Variants in PIKFYVE observed in about 807,000 individuals in gnomAD.
PIKFYVE encodes 1-phosphatidylinositol 3-phosphate 5-kinase.
A neutral mutation model predicts 257.9 loss-of-function variants in PIKFYVE; 122 were observed. The ratio of observed to expected loss-of-function variants is 0.47; its 90% CI spans 0.41 to 0.55. The LOEUF is 0.55. PIKFYVE is among the 20% of genes least tolerant of loss of function. The probability of loss-of-function intolerance (pLI) is 0.00; values close to 1 mark genes in which losing one functional copy is unlikely to be tolerated. For synonymous variants in PIKFYVE, 892 were observed against 868.9 expected (o/e 1.03, Z -0.47); for missense variants, 2,160 against 2,536.6 (o/e 0.85, Z 3.19).
In PIKFYVE at chr2:208,268,048, A is replaced by G. The variant is rs954426219; in HGVS notation, c.-10+1633A>G. On this transcript the variant is annotated intron_variant, in intron 1 of 41. Coordinates refer to ENST00000264380, the MANE Select transcript of PIKFYVE (RefSeq NM_015040.4). ...ATATATCAGAAGGCTTTGGGTAGGT[A>G]GGTTAATAGGACTGATTACCACTCA... Among the ~76,000 whole-genome samples, 5 of 152,218 alleles carry G rather than the reference A, an allele frequency of 3.3e-5. No homozygotes were observed. In the East Asian group the frequency reaches 9.6e-4, roughly 29 times the overall value.
rs148828255 is a variant in PIKFYVE at position 208,273,861 on chromosome 2, TAGTC to T, written c.322+131_322+134del. The T allele has an allele frequency of 5.8e-3, 8,069 of 1,384,534 alleles. 321 individuals carry two copies. The African/African-American group carries it at 0.098, about 17-fold the overall frequency. The allele number at this position is 1,384,534 out of a possible 1,614,324, so 85.8% of individuals were successfully genotyped here. ...TGGAATAGTAAGATACTATTTGAAATAGTCAGGTACTGTTTAGAGTAAATAAAAC... is the reference window on the plus strand; with the variant it reads ...TGGAATAGTAAGATACTATTTGAAATAGGTACTGTTTAGAGTAAATAAAAC... On this transcript the variant is annotated intron_variant, in intron 3 of 41. Transcript: ENST00000264380.
At chr2:208,328,415 T>A in intron 21 of PIKFYVE, 135 bp downstream of exon 21, 1 of 1,047,352 alleles carries the variant, frequency 9.5e-7, no homozygotes. Flanking sequence ...TATGAATTGA[T>A]AGAACTTTTA....
intron 3 of PIKFYVE, among the ~76,000 whole-genome samples, chr2:208,276,065 G>A (rs1373036767): frequency 6.6e-6 from 1 of 152,202 alleles, no homozygotes; most frequent in Non-Finnish European, 1.5e-5. Context: ...GGTTGGGGAA[G>A]TGACAGGGAA....
In PIKFYVE at chr2:208,298,650, C is replaced by T. The variant is rs1693287890; in HGVS notation, c.921C>T (p.Ser307=). The change falls in exon 8 of 42, where the codon AGC becomes AGT. Residue 307 remains serine, a synonymous_variant. Transcript: ENST00000264380. ...TTGTTTTTATTTCCAGATCAGCCAG[C>T]ATTACTAACCTGTCACTGGATAGAT... The part of the protein sequence containing the change: ...GKSPARNRSA[S]ITNLSLDRSG... 5 of 1,613,992 alleles carry T rather than the reference C, an allele frequency of 3.1e-6. No individual in the cohort carries two copies. The South Asian group carries it at 5.5e-5, about 18-fold the overall frequency.
At chr2:208,322,159 T>C (rs1696317937) in intron 17 of PIKFYVE, among the ~76,000 whole-genome samples, 1 of 152,010 alleles carries the variant, frequency 6.6e-6, no homozygotes, top group African/African-American at 2.4e-5. Context: ...GCAGGAGGAT[T>C]GCTTGAGGCC....
intron 7 of PIKFYVE, among the ~76,000 whole-genome samples, chr2:208,293,158 C>G (rs577860859): frequency 1.7e-3 from 251 of 150,450 alleles, no homozygotes; most frequent in Non-Finnish European, 3.0e-3. Flanking sequence ...TCAAATAATA[C>G]TATACTACTT....
At chr2:208,296,541 A>G (rs1334993890) in intron 7 of PIKFYVE, among the ~76,000 whole-genome samples, 4 of 152,204 alleles carry the variant, frequency 2.6e-5, no homozygotes, top group African/African-American at 9.6e-5. Flanking sequence ...TCCAGAATTT[A>G]GGGGAGGGCT....
intron 31 of PIKFYVE, 146 bp downstream of exon 31, chr2:208,340,277 AATGT>A: frequency 9.1e-7 from 1 of 1,097,396 alleles, no homozygotes; most frequent in Non-Finnish European, 1.3e-6. Context: ...CTTTTGATAC[AATGT>A]AATTTGTAGA....
In PIKFYVE at chr2:208,312,272, C is replaced by A; in HGVS notation, c.1673C>A (p.Ser558Ter). ...LISDTGGQQL[S>*]ISDAFIKESL... is the part of the protein sequence containing the mutation. ...TCTGACACTGGAGGACAACAGCTCT[C>A]AATAAGTGACGCTTTCATCAAAGGT... Residue 558 changes from serine (S) to a stop codon, truncating the protein, a stop_gained, in exon 13 of 42, where the codon TCA (serine) becomes TAA (stop). Coordinates refer to ENST00000264380, the MANE Select transcript of PIKFYVE (RefSeq NM_015040.4). LOFTEE classifies it high-confidence loss of function. 6.2e-7 allele frequency: 1 copy of A among 1,611,292 alleles called. No individual in the cohort carries two copies. The highest frequency in any genetic ancestry group is 1.1e-5 in the South Asian group (1 of 90,692).
chr2:208,293,943 C>T (rs1247719249), intron 7 of PIKFYVE, among the ~76,000 whole-genome samples: 1 of 152,126 alleles, frequency 6.6e-6, no homozygotes, highest in Non-Finnish European at 1.5e-5. Flanking sequence ...GCTTCCTGGA[C>T]CTGTGGCTTG....
At chr2:208,288,997 C>CTT (rs1398755307) in intron 7 of PIKFYVE, among the ~76,000 whole-genome samples, 179 bp downstream of exon 7, 3 of 152,208 alleles carry the variant, frequency 2.0e-5, no homozygotes, top group Non-Finnish European at 2.9e-5. Context: ...CTCTCAGTGA[C>CTT]TTTCCAGTAT....
At chr2:208,283,916 G>A (rs575886951) in intron 5 of PIKFYVE, among the ~76,000 whole-genome samples, 6 of 152,204 alleles carry the variant, frequency 3.9e-5, no homozygotes, top group Non-Finnish European at 7.4e-5. Context: ...TGAGTACTGT[G>A]TAATAGTAGT....
intron 32 of PIKFYVE, among the ~76,000 whole-genome samples, chr2:208,344,078 A>C (rs1417518736): frequency 6.6e-6 from 1 of 151,974 alleles, no homozygotes; most frequent in Non-Finnish European, 1.5e-5. Flanking sequence ...TCGGCCTCCC[A>C]AAGTGCCGGG....
intron 5 of PIKFYVE, among the ~76,000 whole-genome samples, chr2:208,284,554 C>T (rs552288705): frequency 1.3e-5 from 2 of 152,168 alleles, no homozygotes; most frequent in East Asian, 1.9e-4. Flanking sequence ...AGCCACCGTG[C>T]CCGGCCTTAA....
At chr2:208,300,164 C>CA (rs1315960255) in intron 8 of PIKFYVE, among the ~76,000 whole-genome samples, 3 of 151,690 alleles carry the variant, frequency 2.0e-5, no homozygotes, top group African/African-American at 7.3e-5. Context: ...TGTAAGAATT[C>CA]AAAAAAACAG....
In PIKFYVE at chr2:208,286,385, A is replaced by G. The variant is rs568605300; in HGVS notation, c.821+452A>G. On this transcript the variant is annotated intron_variant, in intron 6 of 41. Transcript: ENST00000264380. ...AGATTTTTTTTCCTTCTGAAGGTATATGTCATGTTTTTCTGTAAGTATACT... is the reference window on the plus strand; with the variant it reads ...AGATTTTTTTTCCTTCTGAAGGTATGTGTCATGTTTTTCTGTAAGTATACT... 6.6e-5 allele frequency among the ~76,000 whole-genome samples: 10 copies of G among 152,170 alleles called. 3 individuals carry two copies. Among genetic ancestry groups the G allele is most frequent in the African/African-American group, 2.4e-4 (10 of 41,516 alleles).
intron 12 of PIKFYVE, among the ~76,000 whole-genome samples, chr2:208,307,257 A>G (rs1263706540): frequency 6.6e-6 from 1 of 152,228 alleles, no homozygotes; most frequent in Admixed American, 6.5e-5. Flanking sequence ...TTTGGTAGAA[A>G]GAAAAACTAG....
chr2:208,269,653 C>T (rs2124958834), intron 1 of PIKFYVE: 1 of 261,682 alleles, frequency 3.8e-6, no homozygotes, highest in Non-Finnish European at 7.9e-6. Flanking sequence ...CACCTTGGCA[C>T]TGGTGAGGTT....
Position 208,274,071 on chromosome 2 carries a change from G to A in PIKFYVE, c.322+338G>A, listed in dbSNP as rs1341013191. 7 of 1,609,408 alleles carry A rather than the reference G, an allele frequency of 4.3e-6. No homozygotes were observed. The Admixed American group carries it at 1.2e-4, about 27-fold the overall frequency. On this transcript the variant is annotated intron_variant, in intron 3 of 41. Coordinates refer to ENST00000264380, the MANE Select transcript of PIKFYVE (RefSeq NM_015040.4). Reference sequence around the variant, plus strand: ...GAACACAGGTTAGTTTCCACTTTGTGAATGAATTCTGCATCTGTTCTTGGG... The same window carrying A: ...GAACACAGGTTAGTTTCCACTTTGTAAATGAATTCTGCATCTGTTCTTGGG...
Sources: allele counts gnomAD v4.1 joint callset (sites outside exome capture counted in the v4.1 genomes callset), GRCh38; gene constraint gnomAD v4.1.1; transcripts MANE v1.5; gene names NCBI Gene and HGNC (gene_info 2026-07-23, HGNC 2026-07-21).